Variants in ZSCAN5B observed in about 807,000 individuals in gnomAD.
ZSCAN5B encodes the protein zinc finger and SCAN domain-containing protein 5B.
ZSCAN5B carries 26 observed loss-of-function variants against 25.2 expected under a neutral mutation model. The observed-to-expected ratio is 1.03, with a 90% CI of 0.76 to 1.43. The LOEUF is 1.43. Among genes scored for constraint, ZSCAN5B ranks in the 40% most tolerant of loss-of-function variants. The probability of loss-of-function intolerance (pLI) is 0.00; values close to 1 mark genes in which losing one functional copy is unlikely to be tolerated. For synonymous variants in ZSCAN5B, 244 were observed against 240.9 expected (o/e 1.01, Z -0.12); for missense variants, 745 against 622.1 (o/e 1.20, Z -2.10).
chr19:56,194,854 C>T (rs1194417630), intron 1 of ZSCAN5B, among the ~76,000 whole-genome samples: 2 of 152,108 alleles, frequency 1.3e-5, no homozygotes, highest in African/African-American at 2.4e-5. Context: ...TGACATGCCT[C>T]GGCCTCCCAA....
chr19:56,189,901 A>AG lies in ZSCAN5B; in HGVS notation c.1413dup (p.Cys472LeufsTer54). 6.2e-7 allele frequency: 1 copy of AG among 1,613,996 alleles called. No individual in the cohort carries two copies. Among genetic ancestry groups the AG allele is most frequent in the Non-Finnish European group, 8.5e-7 (1 of 1,179,896 alleles). Reference sequence around the variant, plus strand: ...CCCAGCTGACGGAAGGCCTTTTGACAGGTGGGACATTTGTAGGGCTTCTCT... The same window carrying AG: ...CCCAGCTGACGGAAGGCCTTTTGACAGGGTGGGACATTTGTAGGGCTTCTCT... On this transcript the variant is annotated frameshift_variant, in exon 5 of 5. Coordinates refer to ENST00000586855, the Ensembl canonical transcript of ZSCAN5B. LOFTEE classifies it low-confidence loss of function (END_TRUNC).
At chr19:56,196,099 C>T (rs58805847) in intron 1 of ZSCAN5B, among the ~76,000 whole-genome samples, 7,048 of 152,252 alleles carry the variant, frequency 0.046, 458 homozygotes, top group East Asian at 0.26. Context: ...ATCCCCCAGG[C>T]TGCAGTGCAG....
chr19:56,190,554 C>T (rs774868070), exon 5 of ZSCAN5B: 2 of 1,612,680 alleles, frequency 1.2e-6, no homozygotes, highest in East Asian at 2.2e-5. Flanking sequence ...GGGTTCCTTC[C>T]CCTCCTTTGC....
At chr19:56,193,052 T>C (rs1329643191) in exon 2 of ZSCAN5B, 4 of 1,551,500 alleles carry the variant, frequency 2.6e-6, no homozygotes, top group Non-Finnish European at 2.6e-6. Flanking sequence ...TTTGCAGCCA[T>C]ATCTACTGGA....
At chr19:56,195,760 A>G (rs1229492357) in intron 1 of ZSCAN5B, among the ~76,000 whole-genome samples, 1 of 152,220 alleles carries the variant, frequency 6.6e-6, no homozygotes, top group Non-Finnish European at 1.5e-5. Context: ...AGGTTCAGTG[A>G]TACCCAAAAC....
chr19:56,194,173 AGCCCCT>A (rs976871556), intron 1 of ZSCAN5B, among the ~76,000 whole-genome samples: 2 of 144,682 alleles, frequency 1.4e-5, no homozygotes, highest in African/African-American at 5.1e-5. Flanking sequence ...CCCCTCCCCC[AGCCCCT>A]GGCCATCACT....
At position 56,191,871 on chromosome 19, in the gene ZSCAN5B, G is replaced by A. The variant is rs571234303; in HGVS notation, c.567C>T (p.Val189=). ...TCACCTGCCTCCTGGACAGTGCAGC[G>A]ACCCTGGGCAGGATCTGCTGCTCTC... The change falls in exon 3 of 5, where the codon GTC becomes GTT. Residue 189 remains valine, a synonymous_variant. Transcript: ENST00000586855. 46 of 1,613,846 alleles carry A rather than the reference G, an allele frequency of 2.9e-5. No homozygotes were observed. In the Middle Eastern group the frequency reaches 1.2e-3, roughly 41 times the overall value.
intron 4 of ZSCAN5B, 78 bp downstream of exon 4, chr19:56,190,759 G>A: frequency 6.4e-7 from 1 of 1,558,564 alleles, no homozygotes; most frequent in Non-Finnish European, 8.6e-7. Context: ...AGCCCCAGGG[G>A]ATGATAATGC....
chr19:56,194,628 T>C (rs575357352), intron 1 of ZSCAN5B, among the ~76,000 whole-genome samples: 1 of 152,300 alleles, frequency 6.6e-6, no homozygotes, highest in East Asian at 1.9e-4. Context: ...TTTTTATTTA[T>C]GTTTTTTGAG....
At chr19:56,192,678 G>C (rs1178850067) in exon 2 of ZSCAN5B, 6 of 1,591,746 alleles carry the variant, frequency 3.8e-6, no homozygotes, top group Non-Finnish European at 5.1e-6. Context: ...CCCATTTCTT[G>C]GGTCTTCTGT....
At chr19:56,194,065 G>A (rs978183866) in intron 1 of ZSCAN5B, among the ~76,000 whole-genome samples, 7 of 151,650 alleles carry the variant, frequency 4.6e-5, no homozygotes, top group Non-Finnish European at 7.4e-5. Flanking sequence ...AAGAACATGC[G>A]CTATGTTGTG....
At chr19:56,195,391 G>C (rs3103606) in intron 1 of ZSCAN5B, among the ~76,000 whole-genome samples, 1 of 152,008 alleles carries the variant, frequency 6.6e-6, no homozygotes, top group Non-Finnish European at 1.5e-5. Flanking sequence ...AAAGGTGCTC[G>C]TCATCACTCA....
At chr19:56,196,091 C>T (rs1296130697) in intron 1 of ZSCAN5B, among the ~76,000 whole-genome samples, 1 of 152,132 alleles carries the variant, frequency 6.6e-6, no homozygotes, top group Non-Finnish European at 1.5e-5. Flanking sequence ...CTCACTCTAT[C>T]CCCCAGGCTG....
chr19:56,191,385 C>A (rs1399031232), intron 3 of ZSCAN5B, among the ~76,000 whole-genome samples: 1 of 152,154 alleles, frequency 6.6e-6, no homozygotes, highest in Non-Finnish European at 1.5e-5. Flanking sequence ...CTATCAACAC[C>A]CCACCACCCC....
rs781649225 is a variant in ZSCAN5B, at chr19:56,190,124, G to C, written c.1191C>G (p.Asp397Glu). 1.9e-6 allele frequency: 3 copies of C among 1,613,900 alleles called. No homozygotes were observed. The East Asian group carries it at 6.7e-5, about 36-fold the overall frequency. ...TGTGGACTCGCTGGTGAACTCGGAG[G>C]TCTGAGGGCTGCAAGAAGCGCTTCC... Residue 397 changes from aspartate (D) to glutamate (E), a missense_variant, in exon 5 of 5, where the codon GAC (aspartate) becomes GAG (glutamate). Coordinates refer to ENST00000586855, the Ensembl canonical transcript of ZSCAN5B.
chr19:56,195,959 A>C (rs778561223), intron 1 of ZSCAN5B, among the ~76,000 whole-genome samples: 3 of 152,206 alleles, frequency 2.0e-5, no homozygotes, highest in Non-Finnish European at 4.4e-5. Context: ...TCTTGGGTCC[A>C]AGTGATCCTC....
chr19:56,192,346 A>G (rs1339879083), intron 2 of ZSCAN5B, among the ~76,000 whole-genome samples: 1 of 152,182 alleles, frequency 6.6e-6, no homozygotes, highest in African/African-American at 2.4e-5. Context: ...TTGTGTTAGA[A>G]CTTAGGGGCT....
chr19:56,190,188 G>A (rs751179494), exon 5 of ZSCAN5B: 1 of 1,614,042 alleles, frequency 6.2e-7, no homozygotes, highest in Non-Finnish European at 8.5e-7. Flanking sequence ...TCCTGTGTGT[G>A]ACCTCCTGTG....
At position 56,192,034 on chromosome 19, in the gene ZSCAN5B, C is replaced by T. The variant is rs760024728; in HGVS notation, c.404G>A (p.Gly135Asp). ...TGAGTTCAGCATAAGATATTCTTTG[C>T]CGAGCAAGTTGACTATAGACTGTAG... Residue 135 changes from glycine to aspartate, a missense_variant, in exon 3 of 5, where the codon GGC (glycine) becomes GAC (aspartate). Transcript: ENST00000586855. The T allele has an allele frequency of 1.7e-5, 28 of 1,612,758 alleles. 1 individual carries two copies. The South Asian group carries it at 2.9e-4, about 16-fold the overall frequency.
Sources: allele counts gnomAD v4.1 joint callset (sites outside exome capture counted in the v4.1 genomes callset), GRCh38; gene constraint gnomAD v4.1.1; transcripts MANE v1.5; gene names NCBI Gene and HGNC (gene_info 2026-07-23, HGNC 2026-07-21).